The following CACNA1D variants were observed in gnomAD, a reference collection of about 807,000 sequenced individuals.
The protein encoded by CACNA1D is calcium voltage-gated channel subunit alpha1 D.
Under a neutral mutation model 257.1 loss-of-function variants are expected in CACNA1D, and 55 were observed. That is an observed-to-expected ratio of 0.21 (90% CI 0.17 to 0.27). The LOEUF (loss-of-function observed/expected upper bound fraction) is 0.27, where lower values mean the gene tolerates loss of function less well. Among genes scored for constraint, CACNA1D ranks in the 10% least tolerant of loss-of-function variants. CACNA1D has a pLI of 1.00. For missense variants in CACNA1D, 1,876 were observed against 2,784.0 expected, an observed-to-expected ratio of 0.67 and a Z score of 7.34; for synonymous variants, 980 against 1,014.9, an observed-to-expected ratio of 0.97 and a Z score of 0.65.
At chr3:53,780,297 C>T (rs1484947868) in intron 38 of CACNA1D, among the ~76,000 whole-genome samples, 169 bp downstream of exon 38, 1 of 152,256 alleles carries the variant, frequency 6.6e-6, no homozygotes, top group Non-Finnish European at 1.5e-5. Flanking sequence ...GCCCCTGCCT[C>T]CTGTTTCCTC....
At chr3:53,548,373 A>ATTTTTTTTTTT (rs1278474628) in intron 3 of CACNA1D, among the ~76,000 whole-genome samples, 2 of 127,466 alleles carry the variant, frequency 1.6e-5, no homozygotes, top group Admixed American at 7.6e-5. Context: ...TTTTTTTTTA[A>ATTTTTTTTTTT]AAATTATCTT....
At chr3:53,773,859 G>A (rs545250958) in intron 33 of CACNA1D, 2 of 152,362 alleles carry the variant, frequency 1.3e-5, no homozygotes, top group African/African-American at 4.8e-5. Flanking sequence ...AGAACTGCAA[G>A]CTGCATGGCA....
At chr3:53,710,256 G>C (rs1489126145) in intron 9 of CACNA1D, 1 of 385,554 alleles carries the variant, frequency 2.6e-6, no homozygotes, top group Non-Finnish European at 5.2e-6. Flanking sequence ...TGGATTCCTA[G>C]CAGGAGGGGT....
At chr3:53,617,974 C>T (rs1420766766) in intron 3 of CACNA1D, among the ~76,000 whole-genome samples, 1 of 152,178 alleles carries the variant, frequency 6.6e-6, no homozygotes, top group Non-Finnish European at 1.5e-5. Flanking sequence ...TTTAGGTGCT[C>T]CATCAGTCTC....
chr3:53,577,790 G>A (rs1192504906), intron 3 of CACNA1D, among the ~76,000 whole-genome samples: 2 of 152,156 alleles, frequency 1.3e-5, no homozygotes, highest in Non-Finnish European at 2.9e-5. Context: ...CCAGTAGATG[G>A]AATCCAGCCT....
At chr3:53,715,314 AGGT>A in intron 9 of CACNA1D, among the ~76,000 whole-genome samples, 1 of 152,222 alleles carries the variant, frequency 6.6e-6, no homozygotes, top group Admixed American at 6.5e-5. Context: ...GTGGCTCTTT[AGGT>A]GTCAAACAAC....
intron 8 of CACNA1D, among the ~76,000 whole-genome samples, chr3:53,687,353 A>G (rs977786124): frequency 6.6e-6 from 1 of 152,182 alleles, no homozygotes; most frequent in African/African-American, 2.4e-5. Context: ...TATACTGCTG[A>G]TTTCAAAATT....
intron 3 of CACNA1D, among the ~76,000 whole-genome samples, chr3:53,574,780 C>T (rs560289405): frequency 1.3e-5 from 2 of 152,252 alleles, no homozygotes; most frequent in African/African-American, 4.8e-5. Flanking sequence ...ACCCAACCTG[C>T]AGGTTTGCTT....
intron 8 of CACNA1D, among the ~76,000 whole-genome samples, chr3:53,694,464 G>C (rs376373823): frequency 6.6e-6 from 1 of 152,168 alleles, no homozygotes; most frequent in Non-Finnish European, 1.5e-5. Context: ...TGACCTCCCC[G>C]TGAGCCACAG....
chr3:53,639,833 A>G (rs13059151), intron 3 of CACNA1D, among the ~76,000 whole-genome samples: 15,371 of 146,988 alleles, frequency 0.1, 941 homozygotes, highest in African/African-American at 0.16. Flanking sequence ...AGTTCCTGCC[A>G]TTTTGAAATG....
chr3:53,770,395 G>A (rs1393528286), intron 31 of CACNA1D, 29 bp from the exon 32 acceptor site: 3 of 1,610,496 alleles, frequency 1.9e-6, no homozygotes, highest in Non-Finnish European at 2.5e-6. Flanking sequence ...CTTTCCATTG[G>A]GTTTGACCTC....
intron 15 of CACNA1D, among the ~76,000 whole-genome samples, chr3:53,727,752 C>G (rs1367641354): frequency 6.6e-6 from 1 of 152,120 alleles, no homozygotes; most frequent in Non-Finnish European, 1.5e-5. Context: ...ACTCATGATA[C>G]TACATCTGGG....
chr3:53,538,623 A>G (rs2092205456), intron 3 of CACNA1D, among the ~76,000 whole-genome samples: 1 of 152,116 alleles, frequency 6.6e-6, no homozygotes, highest in Non-Finnish European at 1.5e-5. Context: ...GAACCTTCTC[A>G]CATTGGTCCC....
At chr3:53,531,140 C>T (rs2091937230) in intron 3 of CACNA1D, among the ~76,000 whole-genome samples, 1 of 151,788 alleles carries the variant, frequency 6.6e-6, no homozygotes, top group African/African-American at 2.4e-5. Context: ...GCATGAGCCA[C>T]TGTGCCCAGC....
At chr3:53,588,198 T>C (rs2093250050) in intron 3 of CACNA1D, among the ~76,000 whole-genome samples, 3 of 152,254 alleles carry the variant, frequency 2.0e-5, no homozygotes, top group African/African-American at 7.2e-5. Flanking sequence ...TGTTTCTCCC[T>C]GAAGCCCTCA....
chr3:53,802,018 T>C, intron 42 of CACNA1D, 129 bp from the exon 43 acceptor site: 2 of 823,070 alleles, frequency 2.4e-6, no homozygotes, highest in Non-Finnish European at 4.3e-6. Flanking sequence ...TGGCAGCCCC[T>C]ATGTGGATGG....
intron 3 of CACNA1D, among the ~76,000 whole-genome samples, chr3:53,627,358 G>GT (rs2093770856): frequency 6.6e-6 from 1 of 152,194 alleles, no homozygotes; most frequent in Non-Finnish European, 1.5e-5. Flanking sequence ...AGGTCAAAAG[G>GT]TAGCATGGCG....
intron 9 of CACNA1D, among the ~76,000 whole-genome samples, chr3:53,703,517 G>A (rs1001708512): frequency 2.0e-5 from 3 of 152,320 alleles, no homozygotes; most frequent in African/African-American, 7.2e-5. Context: ...CCACAGATGC[G>A]CTCTTATTCT....
At chr3:53,552,003 G>T (rs2092544901) in intron 3 of CACNA1D, among the ~76,000 whole-genome samples, 1 of 152,168 alleles carries the variant, frequency 6.6e-6, no homozygotes, top group Admixed American at 6.5e-5. Context: ...TTGCCCTGAG[G>T]ATGCAGAAGT....
Sources: allele counts gnomAD v4.1 joint callset (sites outside exome capture counted in the v4.1 genomes callset), GRCh38; gene constraint gnomAD v4.1.1; transcripts MANE v1.5; gene names NCBI Gene and HGNC (gene_info 2026-07-23, HGNC 2026-07-21).